The following ACAP1 variants were observed in gnomAD, a reference collection of about 807,000 sequenced individuals.
The protein encoded by ACAP1 is ArfGAP with coiled-coil, ankyrin repeat and PH domains 1.
ACAP1 carries 45 observed loss-of-function variants against 98.8 expected under a neutral mutation model. The ratio of observed to expected loss-of-function variants is 0.46; its 90% CI spans 0.36 to 0.58. The LOEUF is 0.58. Among genes scored for constraint, ACAP1 ranks in the 20% least tolerant of loss-of-function variants. The pLI is 0.00. For synonymous variants in ACAP1, 362 were observed against 375.3 expected (o/e 0.96, Z 0.41); for missense variants, 735 against 971.4 (o/e 0.76, Z 3.24).
At chr17:7,338,586 G>A (rs940811190) in intron 2 of ACAP1, among the ~76,000 whole-genome samples, 10 of 151,642 alleles carry the variant, frequency 6.6e-5, no homozygotes, top group African/African-American at 1.7e-4. Context: ...TTTAAACAAT[G>A]GACTGGATGG....
In ACAP1 at chr17:7,344,041, G is replaced by C; in HGVS notation, c.670-8G>C. On this transcript the variant is annotated splice_region_variant and splice_polypyrimidine_tract_variant and intron_variant, in intron 8 of 21. Transcript: ENST00000158762. The surrounding 1 kb of genome is among the most constrained non-coding windows in gnomAD (Gnocchi z 4.9). Reference sequence around the variant, plus strand: ...CTTGGACATCTGAGATGCCCTTCCTGTGCCCAGTTGCACCAGCTGGTCTTG... The same window carrying C: ...CTTGGACATCTGAGATGCCCTTCCTCTGCCCAGTTGCACCAGCTGGTCTTG... 1 of 1,589,288 alleles carries C rather than the reference G, an allele frequency of 6.3e-7. No individual in the cohort carries two copies. The highest frequency in any genetic ancestry group is 8.6e-7 in the Non-Finnish European group (1 of 1,167,206).
intron 11 of ACAP1, 21 bp downstream of exon 11, chr17:7,346,316 G>C: frequency 6.2e-7 from 1 of 1,614,166 alleles, no homozygotes; most frequent in Non-Finnish European, 8.5e-7. Context: ...CTGGGTCCTG[G>C]ATGCCTGGGC....
intron 21 of ACAP1, 132 bp from the exon 22 acceptor site, chr17:7,351,163 G>T: frequency 9.2e-7 from 1 of 1,092,102 alleles, no homozygotes; most frequent in Admixed American, 2.3e-5. Context: ...CATAGGTGCT[G>T]GCGCAGTGCC....
At position 7,343,679 on chromosome 17, in the gene ACAP1, TTTTTACGTCCTC is replaced by T. The variant is rs766875631; in HGVS notation, c.529-14_529-3del. On this transcript the variant is annotated splice_polypyrimidine_tract_variant and intron_variant, in intron 6 of 21. Coordinates refer to ENST00000158762, the MANE Select transcript of ACAP1 (RefSeq NM_014716.4). This position sits in a 1 kb window ranked among gnomAD's most constrained non-coding sequence, Gnocchi z 4.9. ...TGTGTCTTCAAGACTGATCTGGGGT[TTTTTACGTCCTC>T]TTTTACGTCCTCAGATCAACGTGAT... is the stretch of plus-strand genomic sequence containing the variant. 1.6e-5 allele frequency: 25 copies of T among 1,610,964 alleles called. No homozygotes were observed. The highest frequency in any genetic ancestry group is 1.3e-4 in the East Asian group (6 of 44,828).
Position 7,342,421 on chromosome 17 carries a change from T to G in ACAP1, c.291T>G (p.Leu97=). 2 of 1,614,104 alleles carry G rather than the reference T, an allele frequency of 1.2e-6. No homozygotes were observed. The highest frequency in any genetic ancestry group is 1.7e-6 in the Non-Finnish European group (2 of 1,180,022). The change falls in exon 5 of 22, where the codon CTT becomes CTG. Residue 97 remains leucine (L), a synonymous_variant. Coordinates refer to ENST00000158762, the MANE Select transcript of ACAP1 (RefSeq NM_014716.4). ...CCAACTTCTCCTTCCCTCAGGAGCT[T>G]CTAGATGCCACCCAACACACACTGC... ...LNHKLDSHAE[L]LDATQHTLQQ...
Position 7,351,328 on chromosome 17 carries a change from TCTC to T in ACAP1, c.2158_2160del (p.Ser720del), listed in dbSNP as rs1567632903. On this transcript the variant is annotated inframe_deletion, in exon 22 of 22. Coordinates refer to ENST00000158762, the MANE Select transcript of ACAP1 (RefSeq NM_014716.4). ...ACGTATCTTGACATCTTCCGCGACT[TCTC>T]CCTCATGGCGTCAGACGACCCGGAG... The T allele has an allele frequency of 6.2e-7, 1 of 1,613,572 alleles. No homozygotes were observed.
Position 7,350,376 on chromosome 17 carries a change from G to A in ACAP1, c.2072+139G>A, listed in dbSNP as rs563699139. 9 of 706,020 alleles carry A rather than the reference G, an allele frequency of 1.3e-5. No individual in the cohort carries two copies. The highest frequency in any genetic ancestry group is 2.1e-5 in the Non-Finnish European group (9 of 430,786). The allele number at this position is 706,020 out of a possible 1,614,324, so 43.7% of individuals were successfully genotyped here. A position where few individuals can be genotyped will look rare whatever the true frequency, so the allele number is the denominator to read the frequency against. ...CTCGGAAAGGGGCTGGGCCAGCGCC[G>A]GGGCCAGGCTCGAGAAAGGCTGCGC... On this transcript the variant is annotated intron_variant, in intron 20 of 21. Coordinates refer to ENST00000158762, the MANE Select transcript of ACAP1 (RefSeq NM_014716.4). The surrounding 1 kb of genome is among the most constrained non-coding windows in gnomAD (Gnocchi z 4.6).
In ACAP1 at chr17:7,347,039, A is replaced by C. The variant is rs146666490; in HGVS notation, c.1140A>C (p.Gly380=). 1 of 1,589,488 alleles carries C rather than the reference A, an allele frequency of 6.3e-7. No homozygotes were observed. Among genetic ancestry groups the C allele is most frequent in the South Asian group, 1.1e-5 (1 of 88,324 alleles). ...TCCCCTCTCTCCCCCAGGGCTCAGG[A>C]CACCTGGCCATAGGCTCTGCTGCCA... ...DSPRGPGQGS[G]HLAIGSAATL... is the part of the protein sequence containing the mutation. The change falls in exon 14 of 22, where the codon GGA becomes GGC. Residue 380 remains glycine (G), a synonymous_variant. Transcript: ENST00000158762.
chr17:7,342,549 T>G (rs1204677349), intron 5 of ACAP1, 75 bp downstream of exon 5: 1 of 1,524,332 alleles, frequency 6.6e-7, no homozygotes, highest in Non-Finnish European at 9.1e-7. Flanking sequence ...GAGGATTGCT[T>G]GAGCCCAGGA....
At chr17:7,349,192 C>A (rs2073378266) in intron 18 of ACAP1, 25 bp downstream of exon 18, 2 of 1,612,238 alleles carry the variant, frequency 1.2e-6, no homozygotes, top group Admixed American at 1.7e-5. Flanking sequence ...GACCTCTCCA[C>A]CCCACCCTAG....
intron 10 of ACAP1, chr17:7,345,633 C>A (rs1567630210): frequency 1.3e-5 from 2 of 151,914 alleles, no homozygotes. Flanking sequence ...CCCCAAGATT[C>A]TTTCTTTTCT....
At position 7,336,734 on chromosome 17, in the gene ACAP1, G is replaced by C. The variant is rs2073223322; in HGVS notation, c.-1G>C. On this transcript the variant is annotated 5_prime_UTR_variant, in exon 1 of 22. Coordinates refer to ENST00000158762, the MANE Select transcript of ACAP1 (RefSeq NM_014716.4). ...GCTGGCCCCACAGCAGGCAAGCTGA[G>C]ATGACGGTCAAGCTGGATTTCGAGG... 2.5e-6 allele frequency: 4 copies of C among 1,613,790 alleles called. No homozygotes were observed. The South Asian group carries it at 4.4e-5, about 18-fold the overall frequency.
chr17:7,341,099 T>C (rs1487676946), intron 2 of ACAP1, among the ~76,000 whole-genome samples: 1 of 152,212 alleles, frequency 6.6e-6, no homozygotes, highest in Non-Finnish European at 1.5e-5. Context: ...TGAGGGAACG[T>C]GCAGTGAGCA....
chr17:7,343,300 A>G lies in ACAP1; in HGVS notation c.345-79A>G. On this transcript the variant is annotated intron_variant, in intron 5 of 21. Coordinates refer to ENST00000158762, the MANE Select transcript of ACAP1 (RefSeq NM_014716.4). The surrounding 1 kb of genome is among the most constrained non-coding windows in gnomAD (Gnocchi z 4.9). ...CGTTGCAGAGACTAACTGAAAGGAC[A>G]TGAGGGCTTTACCCTGGGAATGCTC... 2.1e-6 allele frequency: 3 copies of G among 1,457,824 alleles called. No homozygotes were observed. Among genetic ancestry groups the G allele is most frequent in the Non-Finnish European group, 2.8e-6 (3 of 1,070,876 alleles). 90.3% of individuals were successfully genotyped at this position (1,457,824 alleles called of 1,614,324 possible). A position where few individuals can be genotyped will look rare whatever the true frequency, so the allele number is the denominator to read the frequency against.
At chr17:7,341,923 C>T in intron 2 of ACAP1, 25 bp from the exon 3 acceptor site, 1 of 1,613,492 alleles carries the variant, frequency 6.2e-7, no homozygotes, top group East Asian at 2.2e-5. Flanking sequence ...TGGCACAGCT[C>T]CCTGTTACCC....
At chr17:7,348,515 T>C (rs2073370105) in intron 17 of ACAP1, 40 bp downstream of exon 17, 2 of 1,445,816 alleles carry the variant, frequency 1.4e-6, no homozygotes, top group Non-Finnish European at 1.8e-6. Flanking sequence ...ATCTGCTGTG[T>C]GCTCGGCATC....
At chr17:7,351,092 T>C in intron 21 of ACAP1, 93 bp downstream of exon 21, 2 of 1,317,386 alleles carry the variant, frequency 1.5e-6, no homozygotes, top group Non-Finnish European at 2.2e-6. Context: ...CCCAGCTGCA[T>C]TCATTCCGTT....
intron 2 of ACAP1, among the ~76,000 whole-genome samples, chr17:7,339,144 T>C (rs1174614018): frequency 6.6e-6 from 1 of 150,912 alleles, no homozygotes; most frequent in Non-Finnish European, 1.5e-5. Context: ...CAAAAAATTA[T>C]TCGGGTGTGG....
intron 2 of ACAP1, among the ~76,000 whole-genome samples, chr17:7,339,590 G>A (rs1240658621): frequency 6.6e-6 from 1 of 152,150 alleles, no homozygotes; most frequent in Non-Finnish European, 1.5e-5. Flanking sequence ...AGCCTGCGGA[G>A]GTCGCAATGA....
Sources: allele counts gnomAD v4.1 joint callset (sites outside exome capture counted in the v4.1 genomes callset), GRCh38; gene constraint gnomAD v4.1.1; non-coding constraint Gnocchi (gnomAD v3.1); transcripts MANE v1.5; gene names NCBI Gene and HGNC (gene_info 2026-07-23, HGNC 2026-07-21).